The following SERPINB12 variants were observed in gnomAD, a reference collection of about 807,000 sequenced individuals.
SERPINB12 encodes serpin family B member 12.
In SERPINB12, 57 loss-of-function variants were observed where a neutral mutation model predicts 41.1. The observed-to-expected ratio is 1.39, with a 90% CI of 1.12 to 1.73. The LOEUF is 1.73. Among genes scored for constraint, SERPINB12 ranks in the 40% most tolerant of loss-of-function variants. The probability of loss-of-function intolerance (pLI) is 0.00; values close to 1 mark genes in which losing one functional copy is unlikely to be tolerated. For synonymous variants in SERPINB12, 180 were observed against 181.3 expected (o/e 0.99, Z 0.06); for missense variants, 536 against 501.9 (o/e 1.07, Z -0.65).
At chr18:63,564,991 G>A (rs1171236602) in intron 6 of SERPINB12, among the ~76,000 whole-genome samples, 4 of 152,180 alleles carry the variant, frequency 2.6e-5, no homozygotes, top group Admixed American at 1.3e-4. Flanking sequence ...TTTGAGACTA[G>A]CCTGGGCAAC....
At chr18:63,534,829 C>T in the SERPINB12 span, among the ~76,000 whole-genome samples, 2 of 152,200 alleles carry the variant, frequency 1.3e-5, no homozygotes, top group East Asian at 3.9e-4. Flanking sequence ...AGCTGTTTTC[C>T]TGTGATCGAA....
Position 63,558,495 on chromosome 18 carries a change from C to A in SERPINB12, c.303+9C>A. 1 of 1,603,712 alleles carries A rather than the reference C, an allele frequency of 6.2e-7. No individual in the cohort carries two copies. Among genetic ancestry groups the A allele is most frequent in the Non-Finnish European group, 8.5e-7 (1 of 1,177,138 alleles). On this transcript the variant is annotated intron_variant, in intron 3 of 7. Transcript: ENST00000382768. ...AGCCTCTGGATCAGCAGGTGAACCG[C>A]CACCGTAGAAAACTCTTGCCTTTCT...
upstream of SERPINB12, among the ~76,000 whole-genome samples, chr18:63,539,015 C>T (rs1255329215): frequency 6.6e-6 from 1 of 152,108 alleles, no homozygotes; most frequent in Non-Finnish European, 1.5e-5. Context: ...TTGAAAATTT[C>T]CCCTTTGTTT....
chr18:63,519,888 G>A, the SERPINB12 span, among the ~76,000 whole-genome samples: 3 of 152,248 alleles, frequency 2.0e-5, no homozygotes, highest in African/African-American at 7.2e-5. Context: ...AGCATCACGG[G>A]TGATTCTGAG....
chr18:63,534,300 A>G, the SERPINB12 span, among the ~76,000 whole-genome samples: 1 of 152,144 alleles, frequency 6.6e-6, no homozygotes, highest in African/African-American at 2.4e-5. Flanking sequence ...AAAACAAAAC[A>G]AAACAAAACA....
At chr18:63,550,446 G>T (rs1910495447) in intron 1 of SERPINB12, among the ~76,000 whole-genome samples, 1 of 152,132 alleles carries the variant, frequency 6.6e-6, no homozygotes, top group South Asian at 2.1e-4. Context: ...GCACTAACTT[G>T]CAATGTCTTA....
At chr18:63,551,966 T>C (rs1038258762) in intron 1 of SERPINB12, among the ~76,000 whole-genome samples, 1 of 152,208 alleles carries the variant, frequency 6.6e-6, no homozygotes, top group Non-Finnish European at 1.5e-5. Context: ...GGAAGAAGGC[T>C]TTAATCAGAT....
At chr18:63,545,969 A>G (rs567889921) in intron 1 of SERPINB12, among the ~76,000 whole-genome samples, 88 of 152,332 alleles carry the variant, frequency 5.8e-4, no homozygotes, top group African/African-American at 2.0e-3. Flanking sequence ...TTGATAATTC[A>G]GAAAAACTCT....
In SERPINB12 at chr18:63,566,672, A is replaced by G. The variant is rs1911108444; in HGVS notation, c.939A>G (p.Glu313=). ...AWSSSENMSE[E]SVVLSFPRFT... ...GCAGCTCAGAAAACATGTCAGAAGAATCGGTGGTCCTGTCCTTCCCCCGGT... is the reference window on the plus strand; with the variant it reads ...GCAGCTCAGAAAACATGTCAGAAGAGTCGGTGGTCCTGTCCTTCCCCCGGT... Residue 313 remains glutamate (E), a synonymous_variant, in exon 8 of 8, where the codon GAA becomes GAG. Coordinates refer to ENST00000382768, the MANE Select transcript of SERPINB12 (RefSeq NM_001307928.2). The G allele has an allele frequency of 6.2e-7, 1 of 1,613,998 alleles. No individual in the cohort carries two copies. Among genetic ancestry groups the G allele is most frequent in the South Asian group, 1.1e-5 (1 of 91,054 alleles).
chr18:63,559,638 A>G lies in SERPINB12; in HGVS notation c.364A>G (p.Lys122Glu). ...VSCYFGQLLS[K>E]LDRIKTDYTL... ...CTGCTACTTTGGGCAGCTTCTCTCC[A>G]AATTAGACAGGATCAAGACTGATTA... Residue 122 changes from lysine (K) to glutamate (E), a missense_variant, in exon 4 of 8, where the codon AAA (lysine) becomes GAA (glutamate). Physicochemically the swap from Lys to Glu is moderately conservative, Grantham distance 56 (BLOSUM62 1). Transcript: ENST00000382768. The G allele has an allele frequency of 6.2e-7, 1 of 1,614,182 alleles. No individual in the cohort carries two copies. The highest frequency in any genetic ancestry group is 8.5e-7 in the Non-Finnish European group (1 of 1,180,022).
At chr18:63,531,487 T>C in the SERPINB12 span, among the ~76,000 whole-genome samples, 1 of 152,192 alleles carries the variant, frequency 6.6e-6, no homozygotes, top group Non-Finnish European at 1.5e-5. Context: ...GTAGGAAAGA[T>C]ACGGGTTTGA....
At chr18:63,539,293 G>A (rs903651403), upstream of SERPINB12, among the ~76,000 whole-genome samples, 2 of 152,124 alleles carry the variant, frequency 1.3e-5, no homozygotes, top group African/African-American at 2.4e-5. Context: ...CAACTTTTCA[G>A]TAATTCTAAA....
chr18:63,568,748 G>A lies in SERPINB12; in HGVS notation c.*1737G>A, dbSNP rs1044524828. Among the ~76,000 whole-genome samples, 6 of 152,112 alleles carry A rather than the reference G, an allele frequency of 3.9e-5. No homozygotes were observed. The highest frequency in any genetic ancestry group is 1.2e-4 in the African/African-American group (5 of 41,402). ...CACGCAGTTTTTTTGCAGAAGGCAG[G>A]TGAACCACACCTGCTCCCATGCTAG... On this transcript the variant is annotated 3_prime_UTR_variant, in exon 8 of 8. Coordinates refer to ENST00000382768, the MANE Select transcript of SERPINB12 (RefSeq NM_001307928.2).
the SERPINB12 span, among the ~76,000 whole-genome samples, chr18:63,520,345 G>T: frequency 6.6e-6 from 1 of 152,316 alleles, no homozygotes; most frequent in Admixed American, 6.5e-5. Context: ...TAAGGGTGGG[G>T]TGGAAGCTAT....
In SERPINB12 at chr18:63,566,725, A is replaced by G. The variant is rs776312008; in HGVS notation, c.992A>G (p.Asn331Ser). 3 of 1,614,160 alleles carry G rather than the reference A, an allele frequency of 1.9e-6. No individual in the cohort carries two copies. The highest frequency in any genetic ancestry group is 1.7e-6 in the Non-Finnish European group (2 of 1,180,014). ...RFTLEDSYDLNSILQDMGITD... is the reference protein window; with the variant it reads ...RFTLEDSYDLSSILQDMGITD... ...ACCCTGGAAGACAGCTATGATCTCA[A>G]TTCCATTTTACAAGACATGGGCATT... Residue 331 changes from asparagine (N) to serine (S), a missense_variant, in exon 8 of 8, where the codon AAT becomes AGT. By Grantham distance (46) the Asn-to-Ser change is conservative. Coordinates refer to ENST00000382768, the MANE Select transcript of SERPINB12 (RefSeq NM_001307928.2).
chr18:63,551,421 G>T (rs1302558134), intron 1 of SERPINB12, among the ~76,000 whole-genome samples: 30 of 152,070 alleles, frequency 2.0e-4, no homozygotes, highest in Admixed American at 2.0e-3. Flanking sequence ...TGCCTCCCAG[G>T]TTCAAGCGAT....
chr18:63,560,312 T>C (rs1204645585), intron 4 of SERPINB12, among the ~76,000 whole-genome samples: 1 of 152,182 alleles, frequency 6.6e-6, no homozygotes, highest in African/African-American at 2.4e-5. Flanking sequence ...GAAGGAGCCA[T>C]GTGCTAAATA....
Position 63,567,886 on chromosome 18 carries a change from G to A in SERPINB12, c.*875G>A, listed in dbSNP as rs916185097. Among the ~76,000 whole-genome samples, 2 of 152,224 alleles carry A rather than the reference G, an allele frequency of 1.3e-5. No individual in the cohort carries two copies. Among genetic ancestry groups the A allele is most frequent in the African/African-American group, 2.4e-5 (1 of 41,450 alleles). The stretch of plus-strand genomic sequence containing the variant: ...CTGGCATTGTGGACGGCTGGCCTCC[G>A]TATGCCCCTCTCTCTGCCTTCTGGC... On this transcript the variant is annotated 3_prime_UTR_variant, in exon 8 of 8. Coordinates refer to ENST00000382768, the MANE Select transcript of SERPINB12 (RefSeq NM_001307928.2).
At chr18:63,533,864 T>C in the SERPINB12 span, among the ~76,000 whole-genome samples, 2 of 151,802 alleles carry the variant, frequency 1.3e-5, no homozygotes, top group African/African-American at 4.8e-5. Context: ...CATATTTTCC[T>C]AGATGTAAAC....
Sources: allele counts gnomAD v4.1 joint callset (sites outside exome capture counted in the v4.1 genomes callset), GRCh38; gene constraint gnomAD v4.1.1; transcripts MANE v1.5; gene names NCBI Gene and HGNC (gene_info 2026-07-23, HGNC 2026-07-21).